The following TYW1 variants were observed in gnomAD, a reference collection of about 807,000 sequenced individuals.
The protein encoded by TYW1 is S-adenosyl-L-methionine-dependent tRNA 4-demethylwyosine synthase TYW1.
A neutral mutation model predicts 96.2 loss-of-function variants in TYW1; 46 were observed. The ratio of observed to expected loss-of-function variants is 0.48; its 90% CI spans 0.38 to 0.61. The LOEUF (loss-of-function observed/expected upper bound fraction) is 0.61. Among genes scored for constraint, TYW1 ranks in the 20% least tolerant of loss-of-function variants. The pLI is 0.00. For missense variants in TYW1, 684 were observed against 909.6 expected (o/e 0.75, Z 3.19); for synonymous variants, 274 against 323.0 (o/e 0.85, Z 1.63).
chr7:67,122,917 G>C (rs536779722), intron 13 of TYW1, among the ~76,000 whole-genome samples: 1 of 152,312 alleles, frequency 6.6e-6, no homozygotes, highest in East Asian at 1.9e-4. Context: ...ATTGAATGCA[G>C]CCAGAGATGA....
rs533626370 is a variant in TYW1 at position 67,072,537 on chromosome 7, G to A, written c.1274+5134G>A. On this transcript the variant is annotated intron_variant, in intron 10 of 15. Coordinates refer to ENST00000359626, the MANE Select transcript of TYW1 (RefSeq NM_018264.4). ...GCTGAGATTACAGGAGTGAGCCACC[G>A]CGCCTGACCCCTCTCTACCCACTTT... Among the ~76,000 whole-genome samples, 261 of 151,726 alleles carry A rather than the reference G, an allele frequency of 1.7e-3. 3 individuals are homozygous for A. The highest frequency in any genetic ancestry group is 5.9e-3 in the African/African-American group (242 of 41,356).
In TYW1 at chr7:66,998,845, C is replaced by T. The variant is rs758041786; in HGVS notation, c.164C>T (p.Pro55Leu). The part of the protein sequence containing the change: ...QGKNLQEKSV[P>L]KAAQDLMTNG... ...AAGAACTTACAGGAAAAATCTGTTC[C>T]AAAAGCAGCTCAGGATTTGATGACA... is the stretch of plus-strand genomic sequence containing the variant. Residue 55 changes from proline to leucine, a missense_variant, in exon 3 of 16, where the codon CCA becomes CTA. By Grantham distance (98) the Pro-to-Leu change is moderately conservative. Transcript: ENST00000359626. 9.3e-6 allele frequency: 15 copies of T among 1,614,078 alleles called. No individual in the cohort carries two copies. The South Asian group carries it at 1.6e-4, about 18-fold the overall frequency.
chr7:67,073,436 A>G (rs1472453025), intron 10 of TYW1, among the ~76,000 whole-genome samples: 3 of 152,126 alleles, frequency 2.0e-5, no homozygotes, highest in Admixed American at 6.6e-5. Context: ...TACAGTTACT[A>G]TTTCAGTGAA....
chr7:67,034,399 C>T (rs1377834113), intron 7 of TYW1, among the ~76,000 whole-genome samples: 2 of 152,280 alleles, frequency 1.3e-5, no homozygotes, highest in Middle Eastern at 3.4e-3. Flanking sequence ...AGCCACTGTG[C>T]CCGGCCTCCT....
intron 12 of TYW1, among the ~76,000 whole-genome samples, chr7:67,113,934 C>T (rs186177945): frequency 4.1e-4 from 63 of 152,088 alleles, no homozygotes; most frequent in Middle Eastern, 3.4e-3. Flanking sequence ...CCACTGTGCC[C>T]GGCATGATGC....
intron 13 of TYW1, among the ~76,000 whole-genome samples, chr7:67,131,664 G>T (rs546364951): frequency 2.0e-5 from 3 of 152,084 alleles, no homozygotes; most frequent in Non-Finnish European, 2.9e-5. Context: ...GAATTGACTC[G>T]CACTATCACA....
intron 3 of TYW1, among the ~76,000 whole-genome samples, chr7:67,006,261 C>G (rs1454977366): frequency 1.3e-5 from 2 of 152,044 alleles, no homozygotes; most frequent in East Asian, 1.9e-4. Flanking sequence ...CTCCTTCTCT[C>G]TCTTGTTCCT....
chr7:67,114,214 A>G (rs961948409), intron 12 of TYW1: 3 of 153,632 alleles, frequency 2.0e-5, no homozygotes, highest in African/African-American at 7.2e-5. Flanking sequence ...AGGTTTTAAT[A>G]TCATTGCTTG....
intron 13 of TYW1, among the ~76,000 whole-genome samples, chr7:67,160,699 C>A (rs1305794147): frequency 6.6e-6 from 1 of 150,576 alleles, no homozygotes; most frequent in Non-Finnish European, 1.5e-5. Context: ...TCAAGCAATT[C>A]TCCTGCCTCA....
intron 15 of TYW1, among the ~76,000 whole-genome samples, chr7:67,208,319 T>TAAATA: frequency 6.6e-6 from 1 of 152,112 alleles, no homozygotes; most frequent in East Asian, 1.9e-4. Flanking sequence ...AGACCTTGTC[T>TAAATA]AAATAAAATA....
chr7:67,184,908 A>C (rs572405128), intron 14 of TYW1, among the ~76,000 whole-genome samples: 1 of 151,618 alleles, frequency 6.6e-6, no homozygotes, highest in Non-Finnish European at 1.5e-5. Flanking sequence ...GGGTTTCACC[A>C]TGTTGACCAG....
chr7:67,101,520 A>G (rs33998455), intron 12 of TYW1, among the ~76,000 whole-genome samples: 1 of 152,166 alleles, frequency 6.6e-6, no homozygotes, highest in South Asian at 2.1e-4. Flanking sequence ...TGAAATATTT[A>G]TTTATTTATT....
At chr7:67,157,366 A>G (rs1799015992) in intron 13 of TYW1, among the ~76,000 whole-genome samples, 1 of 152,112 alleles carries the variant, frequency 6.6e-6, no homozygotes, top group African/African-American at 2.4e-5. Context: ...GCTCACTGCA[A>G]CCTCTGCCTC....
At chr7:67,161,776 CTCT>C (rs368691833) in intron 13 of TYW1, among the ~76,000 whole-genome samples, 3,196 of 152,230 alleles carry the variant, frequency 0.021, 43 homozygotes, top group Admixed American at 0.047. Context: ...GTGTGGTCTA[CTCT>C]TCTTTCTGGG....
In TYW1 at chr7:67,083,506, GA is replaced by G. The variant is rs1796446736; in HGVS notation, c.1355del (p.Asn452ThrfsTer5). ...QPEMILKEAI[E>X]NHQNMIKQFK... ...TGAAATGATCTTGAAGGAAGCCATT[GA>G]AAACCATCAGAACATGATTAAGCAG... On this transcript the variant is annotated frameshift_variant, in exon 11 of 16. Transcript: ENST00000359626. LOFTEE classifies it high-confidence loss of function. The G allele has an allele frequency of 6.2e-7, 1 of 1,614,030 alleles. No individual in the cohort carries two copies. The highest frequency in any genetic ancestry group is 1.3e-5 in the African/African-American group (1 of 74,922).
At chr7:67,181,349 T>TTG (rs1260866064) in intron 13 of TYW1, among the ~76,000 whole-genome samples, 2 of 134,920 alleles carry the variant, frequency 1.5e-5, no homozygotes, top group African/African-American at 6.0e-5. Context: ...ATTGGAAGAA[T>TTG]TATATGTAAA....
At chr7:67,183,091 A>G (rs1191052406) in intron 13 of TYW1, 35 bp from the exon 14 acceptor site, 5 of 1,566,886 alleles carry the variant, frequency 3.2e-6, no homozygotes, top group South Asian at 1.2e-5. Flanking sequence ...ACGTCCACCA[A>G]GATAACAACG....
chr7:67,002,347 G>T (rs945923635), intron 3 of TYW1, among the ~76,000 whole-genome samples: 15 of 150,430 alleles, frequency 1.0e-4, no homozygotes, highest in African/African-American at 3.6e-4. Flanking sequence ...TCAATATTGG[G>T]CTAGGATTAC....
intron 13 of TYW1, among the ~76,000 whole-genome samples, chr7:67,139,309 C>T (rs1798367734): frequency 6.6e-6 from 1 of 152,232 alleles, no homozygotes; most frequent in Admixed American, 6.5e-5. Context: ...ACCTTGGCCT[C>T]CCAAAGTGCT....
Sources: allele counts gnomAD v4.1 joint callset (sites outside exome capture counted in the v4.1 genomes callset), GRCh38; gene constraint gnomAD v4.1.1; transcripts MANE v1.5; gene names NCBI Gene and HGNC (gene_info 2026-07-23, HGNC 2026-07-21).